Variants in FHOD3 observed in about 807,000 individuals in gnomAD.
FHOD3 encodes FH1/FH2 domain-containing protein 3.
Under a neutral mutation model 173.0 loss-of-function variants are expected in FHOD3, and 90 were observed. The observed-to-expected ratio is 0.52, with a 90% CI of 0.44 to 0.62. The LOEUF (loss-of-function observed/expected upper bound fraction) is 0.62, where lower values mean the gene tolerates loss of function less well. Among genes scored for constraint, FHOD3 ranks in the 20% least tolerant of loss-of-function variants. FHOD3 has a pLI of 0.00. For missense variants in FHOD3, 1,945 were observed against 2,034.7 expected, an observed-to-expected ratio of 0.96 and a Z score of 0.85; for synonymous variants, 828 against 823.0, an observed-to-expected ratio of 1.01 and a Z score of -0.10.
intron 24 of FHOD3, among the ~76,000 whole-genome samples, chr18:36,748,382 AACACACACAC>A (rs532609709): frequency 0.018 from 2,609 of 143,548 alleles, 73 homozygotes; most frequent in African/African-American, 0.063. Context: ...ACACACACAC[AACACACACAC>A]ACACACACAC....
intron 5 of FHOD3, among the ~76,000 whole-genome samples, chr18:36,534,580 C>G (rs547074123): frequency 6.6e-6 from 1 of 152,080 alleles, no homozygotes; most frequent in Non-Finnish European, 1.5e-5. Flanking sequence ...GATCTCAGCT[C>G]ACTGCAACTT....
intron 3 of FHOD3, among the ~76,000 whole-genome samples, chr18:36,497,385 A>C (rs2145927363): frequency 1.3e-5 from 2 of 152,336 alleles, no homozygotes; most frequent in African/African-American, 4.8e-5. Flanking sequence ...AGTGCCACTG[A>C]AGAGTAAGTT....
chr18:36,653,189 A>T (rs1366928894), intron 12 of FHOD3, among the ~76,000 whole-genome samples, 153 bp from the exon 13 acceptor site: 1 of 152,244 alleles, frequency 6.6e-6, no homozygotes, highest in Admixed American at 6.5e-5. Flanking sequence ...ATGGGTTTTT[A>T]AATGTAAGGT....
intron 17 of FHOD3, among the ~76,000 whole-genome samples, chr18:36,707,266 C>T (rs1362053973): frequency 6.6e-6 from 1 of 151,788 alleles, no homozygotes; most frequent in Non-Finnish European, 1.5e-5. Context: ...GACAGCCCCT[C>T]AGCTGCAGGG....
intron 3 of FHOD3, among the ~76,000 whole-genome samples, chr18:36,396,769 T>G (rs958955891): frequency 2.6e-5 from 4 of 152,214 alleles, no homozygotes; most frequent in Non-Finnish European, 4.4e-5. Flanking sequence ...CCTTATTCTC[T>G]TCTTCCTTAT....
At chr18:36,602,527 A>C (rs569265100) in intron 7 of FHOD3, 147 bp from the exon 8 acceptor site, 1 of 699,196 alleles carries the variant, frequency 1.4e-6, no homozygotes, top group Non-Finnish European at 2.6e-6. Context: ...GCTCAAATCC[A>C]TCCTAAGGAT....
intron 6 of FHOD3, 93 bp from the exon 7 acceptor site, chr18:36,594,694 G>A: frequency 1.3e-6 from 1 of 751,090 alleles, no homozygotes; most frequent in Non-Finnish European, 2.3e-6. Flanking sequence ...GTCTCATCTA[G>A]GAAGTGCTGG....
intron 3 of FHOD3, among the ~76,000 whole-genome samples, chr18:36,384,801 G>C (rs559810643): frequency 6.6e-6 from 1 of 152,048 alleles, no homozygotes; most frequent in African/African-American, 2.4e-5. Flanking sequence ...CAGTGAGAAC[G>C]GGGGACCTAG....
intron 5 of FHOD3, among the ~76,000 whole-genome samples, chr18:36,556,052 G>A (rs929246037): frequency 2.6e-5 from 4 of 151,892 alleles, no homozygotes; most frequent in African/African-American, 7.3e-5. Context: ...GATATGGTTA[G>A]GTTTAAACCT....
At chr18:36,446,030 T>G (rs2051451276) in intron 3 of FHOD3, among the ~76,000 whole-genome samples, 1 of 152,234 alleles carries the variant, frequency 6.6e-6, no homozygotes, top group Non-Finnish European at 1.5e-5. Context: ...CCCTGGCCCC[T>G]GTCCTGGGTT....
rs190864661 is a variant in FHOD3 at position 36,533,093 on chromosome 18, T to C, written c.511+20550T>C. Among the ~76,000 whole-genome samples the C allele has an allele frequency of 7.1e-4, 108 of 152,216 alleles. 1 individual carries two copies. The highest frequency in any genetic ancestry group is 1.3e-3 in the Non-Finnish European group (88 of 68,018). ...TCCTCGAGGCCACAGACATGGTGGG[T>C]CTACTGGAGCTTCAACACATGAAGG... On this transcript the variant is annotated intron_variant, in intron 5 of 28. Coordinates refer to ENST00000590592, the MANE Select transcript of FHOD3 (RefSeq NM_001281740.3).
At chr18:36,434,058 T>C (rs1009108102) in intron 3 of FHOD3, among the ~76,000 whole-genome samples, 1 of 152,242 alleles carries the variant, frequency 6.6e-6, no homozygotes, top group Non-Finnish European at 1.5e-5. Flanking sequence ...ATAGGCTTCC[T>C]GATTAGATTA....
At chr18:36,659,216 G>A (rs566518584) in intron 14 of FHOD3, among the ~76,000 whole-genome samples, 2 of 152,332 alleles carry the variant, frequency 1.3e-5, no homozygotes, top group Non-Finnish European at 2.9e-5. Context: ...GAGGTCCAGT[G>A]GGGTTTGCCT....
At chr18:36,761,753 G>A (rs952168497) in intron 27 of FHOD3, among the ~76,000 whole-genome samples, 4 of 152,098 alleles carry the variant, frequency 2.6e-5, no homozygotes, top group South Asian at 4.2e-4. Flanking sequence ...ACTTTAAGGA[G>A]AATCAACTGT....
rs191812396 is a variant in FHOD3, at chr18:36,498,094, A to G, written c.338-3838A>G. On this transcript the variant is annotated intron_variant, in intron 3 of 28. Transcript: ENST00000590592. ...ATTAAACAATACACCTTAATAAACC[A>G]TGGGTCAAAAAAATCACAAGGTTAA... 3.7e-3 allele frequency among the ~76,000 whole-genome samples: 570 copies of G among 152,290 alleles called. 7 individuals carry two copies. The highest frequency in any genetic ancestry group is 0.013 in the African/African-American group (541 of 41,576).
chr18:36,733,249 A>C (rs1044922929), intron 20 of FHOD3, among the ~76,000 whole-genome samples: 3 of 152,202 alleles, frequency 2.0e-5, no homozygotes, highest in African/African-American at 7.2e-5. Flanking sequence ...CCTTCCAAGA[A>C]GGTTTGCTTC....
At chr18:36,659,369 C>G in intron 14 of FHOD3, among the ~76,000 whole-genome samples, 1 of 152,156 alleles carries the variant, frequency 6.6e-6, no homozygotes, top group East Asian at 1.9e-4. Context: ...TTTGATTACC[C>G]CGAAGACACC....
chr18:36,344,335 G>A (rs9962136), intron 1 of FHOD3, among the ~76,000 whole-genome samples: 47 of 152,152 alleles, frequency 3.1e-4, no homozygotes, highest in African/African-American at 1.0e-3. Flanking sequence ...TTTAAAATGC[G>A]TTTCTCATTA....
chr18:36,325,641 G>T (rs1366470916), intron 1 of FHOD3, among the ~76,000 whole-genome samples: 3 of 152,152 alleles, frequency 2.0e-5, no homozygotes, highest in African/African-American at 4.8e-5. Context: ...GGTGGGCAGG[G>T]TGCTGTGGGC....
Sources: allele counts gnomAD v4.1 joint callset (sites outside exome capture counted in the v4.1 genomes callset), GRCh38; gene constraint gnomAD v4.1.1; transcripts MANE v1.5; gene names NCBI Gene and HGNC (gene_info 2026-07-23, HGNC 2026-07-21).